Variants in PTPRG observed in about 807,000 individuals in gnomAD.
PTPRG encodes the protein protein tyrosine phosphatase receptor type G, also known as receptor-type tyrosine-protein phosphatase gamma.
In PTPRG, 102 loss-of-function variants were observed where a neutral mutation model predicts 165.3. That is an observed-to-expected ratio of 0.62 (90% CI 0.53 to 0.73). PTPRG has a LOEUF of 0.73. Ranked by LOEUF, PTPRG falls within the 30% of genes least tolerant of loss-of-function variation. The probability of loss-of-function intolerance (pLI) is 0.00; values close to 1 mark genes in which losing one functional copy is unlikely to be tolerated. For synonymous variants in PTPRG, 675 were observed against 669.5 expected, an observed-to-expected ratio of 1.01 and a Z score of -0.13; for missense variants, 1,866 against 1,861.4, an observed-to-expected ratio of 1.00 and a Z score of -0.05.
At chr3:61,775,010 A>C (rs1019253656) in intron 2 of PTPRG, among the ~76,000 whole-genome samples, 2 of 151,900 alleles carry the variant, frequency 1.3e-5, no homozygotes. Flanking sequence ...CTCCTTCCCA[A>C]CCCCAGTTAA....
At chr3:61,788,782 A>G (rs1000406621) in intron 2 of PTPRG, among the ~76,000 whole-genome samples, 3 of 152,238 alleles carry the variant, frequency 2.0e-5, no homozygotes, top group South Asian at 2.1e-4. Flanking sequence ...GAAAGCAACC[A>G]TAGACCATAC....
rs1700668524 is a variant in PTPRG at position 62,222,243 on chromosome 3, A to T, written c.2288+3260A>T. 6.6e-6 allele frequency among the ~76,000 whole-genome samples: 1 copy of T among 152,232 alleles called. No homozygotes were observed. The highest frequency in any genetic ancestry group is 2.1e-4 in the South Asian group (1 of 4,836). ...TTTGATTCATGGAATTGAGAAGTTC[A>T]GGAGCATTGGGCCTGGCTGAATTTG... On this transcript the variant is annotated intron_variant, in intron 13 of 29. Transcript: ENST00000474889. The surrounding 1 kb of genome is among the most constrained non-coding windows in gnomAD (Gnocchi z 4.5).
intron 5 of PTPRG, among the ~76,000 whole-genome samples, chr3:62,108,584 G>A (rs896075262): frequency 6.6e-6 from 1 of 152,132 alleles, no homozygotes; most frequent in African/African-American, 2.4e-5. Context: ...TGGGTTAAAT[G>A]GTATTTCTAG....
chr3:62,127,781 T>A (rs1703358357), intron 5 of PTPRG, among the ~76,000 whole-genome samples: 1 of 152,158 alleles, frequency 6.6e-6, no homozygotes, highest in Admixed American at 6.5e-5. Context: ...TGGCAGCACA[T>A]ATCTGAACGC....
intron 2 of PTPRG, among the ~76,000 whole-genome samples, chr3:61,968,190 A>G (rs1288927236): frequency 2.0e-5 from 3 of 152,198 alleles, no homozygotes; most frequent in African/African-American, 7.2e-5. Context: ...CATTAAATGT[A>G]AAGATTTTTA....
At chr3:62,067,280 A>G (rs1486160296) in intron 4 of PTPRG, among the ~76,000 whole-genome samples, 2 of 149,066 alleles carry the variant, frequency 1.3e-5, no homozygotes, top group African/African-American at 2.5e-5. Flanking sequence ...TCTTTTGTCA[A>G]CCTCCAAAGC....
Position 61,592,905 on chromosome 3 carries a change from C to T in PTPRG, c.85+30533C>T, listed in dbSNP as rs559626337. ...CCCCATCCTTGACCTAAGTATGGCC[C>T]GTGGGGCTGTGCTGAAGGTGGTTCC... is the stretch of plus-strand genomic sequence containing the variant. On this transcript the variant is annotated intron_variant, in intron 1 of 29. Coordinates refer to ENST00000474889, the MANE Select transcript of PTPRG (RefSeq NM_002841.4). Among the ~76,000 whole-genome samples, 18 of 146,878 alleles carry T rather than the reference C, an allele frequency of 1.2e-4. No homozygotes were observed. The South Asian group carries it at 3.7e-3, about 30-fold the overall frequency.
chr3:61,665,503 C>CACACACACACAG (rs1277333524), intron 1 of PTPRG, among the ~76,000 whole-genome samples: 7 of 151,416 alleles, frequency 4.6e-5, no homozygotes, highest in African/African-American at 1.7e-4. Flanking sequence ...CACACACACA[C>CACACACACACAG]AGGCACAAAT....
At chr3:62,003,743 T>C (rs919183994) in intron 4 of PTPRG, among the ~76,000 whole-genome samples, 5 of 152,206 alleles carry the variant, frequency 3.3e-5, no homozygotes, top group Admixed American at 1.3e-4. Context: ...TGGTTGATGA[T>C]GTTCATCATG....
At chr3:62,211,749 C>T (rs778888890) in intron 12 of PTPRG, among the ~76,000 whole-genome samples, 1 of 152,108 alleles carries the variant, frequency 6.6e-6, no homozygotes, top group African/African-American at 2.4e-5. Context: ...GACACCAGAG[C>T]GGTTCTTGTC....
rs529995112 is a variant in PTPRG, at chr3:61,928,333, C to T, written c.191-61292C>T. On this transcript the variant is annotated intron_variant, in intron 2 of 29. Coordinates refer to ENST00000474889, the MANE Select transcript of PTPRG (RefSeq NM_002841.4). ...CCCCATATTTGTTAACCACACAGAC[C>T]TTAGAATGTGACAGTTTTCTAGCTT... is the stretch of plus-strand genomic sequence containing the variant. Among the ~76,000 whole-genome samples the T allele has an allele frequency of 4.6e-5, 7 of 152,320 alleles. No individual in the cohort carries two copies. In the East Asian group the frequency reaches 9.6e-4, roughly 21 times the overall value.
intron 2 of PTPRG, among the ~76,000 whole-genome samples, chr3:61,971,380 A>G (rs987750729): frequency 1.3e-5 from 2 of 152,226 alleles, no homozygotes; most frequent in African/African-American, 4.8e-5. Flanking sequence ...GACCATGTCA[A>G]GATATTCCAG....
chr3:61,625,801 C>A (rs1701591411), intron 1 of PTPRG, among the ~76,000 whole-genome samples: 1 of 152,122 alleles, frequency 6.6e-6, no homozygotes, highest in Non-Finnish European at 1.5e-5. Flanking sequence ...GTGGGACTTG[C>A]TTAAATCATA....
intron 1 of PTPRG, among the ~76,000 whole-genome samples, chr3:61,674,465 C>T (rs1703148585): frequency 1.8e-5 from 2 of 109,314 alleles, no homozygotes; most frequent in East Asian, 3.1e-4. Flanking sequence ...CCAGCCTGGG[C>T]GATAGAGTGA....
intron 2 of PTPRG, 61 bp downstream of exon 2, chr3:61,749,043 T>G: frequency 7.6e-7 from 1 of 1,314,364 alleles, no homozygotes; most frequent in Non-Finnish European, 1.1e-6. Flanking sequence ...TCAACTCACT[T>G]GAAAGCACAC....
At chr3:61,968,840 G>A (rs1389889111) in intron 2 of PTPRG, among the ~76,000 whole-genome samples, 7 of 152,154 alleles carry the variant, frequency 4.6e-5, no homozygotes, top group Non-Finnish European at 1.0e-4. Flanking sequence ...AAGAAAATCT[G>A]TGCTATGGCA....
At chr3:62,182,430 C>CT (rs1705693200) in intron 8 of PTPRG, among the ~76,000 whole-genome samples, 2 of 152,114 alleles carry the variant, frequency 1.3e-5, no homozygotes, top group African/African-American at 4.8e-5. Flanking sequence ...TAAAAGTGGA[C>CT]TTTTTTGCTA....
rs1446068726 is a variant in PTPRG, at chr3:62,076,399, C to A, written c.520-1764C>A. 2.6e-5 allele frequency among the ~76,000 whole-genome samples: 4 copies of A among 152,126 alleles called. No individual in the cohort carries two copies. The East Asian group carries it at 5.8e-4, about 22-fold the overall frequency. ...ACTACGTTAACTTATTTGAGCCTCA[C>A]AATTAGCCCAGTAAGTGGAAATACT... On this transcript the variant is annotated intron_variant, in intron 4 of 29. Transcript: ENST00000474889.
chr3:61,652,902 G>A (rs1265488254), intron 1 of PTPRG, among the ~76,000 whole-genome samples: 3 of 152,176 alleles, frequency 2.0e-5, no homozygotes, highest in Non-Finnish European at 4.4e-5. Flanking sequence ...TTTGTCACTG[G>A]GTGAAGGGTC....
Sources: allele counts gnomAD v4.1 joint callset (sites outside exome capture counted in the v4.1 genomes callset), GRCh38; gene constraint gnomAD v4.1.1; non-coding constraint Gnocchi (gnomAD v3.1); transcripts MANE v1.5; gene names NCBI Gene and HGNC (gene_info 2026-07-23, HGNC 2026-07-21).